PRKCB: variants seen among roughly 807,000 people sequenced by gnomAD.
PRKCB encodes the protein protein kinase C beta, also known as protein kinase C beta type.
A neutral mutation model predicts 81.5 loss-of-function variants in PRKCB; 13 were observed. The observed-to-expected ratio is 0.16, with a 90% CI of 0.10 to 0.25. The LOEUF (loss-of-function observed/expected upper bound fraction) is 0.25, where lower values mean the gene tolerates loss of function less well. Ranked by LOEUF, PRKCB falls within the 10% of genes least tolerant of loss-of-function variation. The pLI, the probability that PRKCB is intolerant of heterozygous loss-of-function variation, is 1.00. For synonymous variants in PRKCB, 335 were observed against 321.4 expected, an observed-to-expected ratio of 1.04 and a Z score of -0.45; for missense variants, 509 against 875.7, an observed-to-expected ratio of 0.58 and a Z score of 5.29.
At chr16:24,035,971 A>G (rs1464900587) in intron 5 of PRKCB, among the ~76,000 whole-genome samples, 2 of 152,204 alleles carry the variant, frequency 1.3e-5, no homozygotes, top group African/African-American at 4.8e-5. Flanking sequence ...CCAGCAGGAA[A>G]AATGGAGTCT....
intron 2 of PRKCB, among the ~76,000 whole-genome samples, chr16:23,974,255 T>A (rs1005244943): frequency 2.0e-5 from 3 of 152,096 alleles, no homozygotes; most frequent in Non-Finnish European, 4.4e-5. Context: ...TCTGTTCATC[T>A]GAATGGTGGT....
At chr16:24,185,244 A>G (rs751949643) in intron 14 of PRKCB, 53 bp downstream of exon 14, 8 of 1,528,228 alleles carry the variant, frequency 5.2e-6, no homozygotes, top group Non-Finnish European at 7.2e-6. Context: ...CCCCATCCAC[A>G]TGGTTTCTTT....
At chr16:24,055,799 G>A (rs565464891) in intron 5 of PRKCB, among the ~76,000 whole-genome samples, 4 of 152,324 alleles carry the variant, frequency 2.6e-5, no homozygotes, top group South Asian at 4.1e-4. Context: ...TTGTAGGGGT[G>A]TGTGGTGTGC....
At chr16:24,009,779 C>T (rs558728128) in intron 3 of PRKCB, among the ~76,000 whole-genome samples, 225 of 151,938 alleles carry the variant, frequency 1.5e-3, no homozygotes, top group African/African-American at 5.3e-3. Context: ...TTTGGGAGGC[C>T]GAGGTAGGGG....
chr16:24,204,460 A>C (rs748281191), intron 16 of PRKCB, among the ~76,000 whole-genome samples: 2 of 152,200 alleles, frequency 1.3e-5, no homozygotes, highest in Non-Finnish European at 2.9e-5. Flanking sequence ...AAGTAGAGAT[A>C]ATCCTTTTCC....
intron 5 of PRKCB, among the ~76,000 whole-genome samples, chr16:24,071,712 TCTC>T (rs1966110356): frequency 6.6e-6 from 1 of 151,922 alleles, no homozygotes; most frequent in Admixed American, 6.6e-5. Context: ...ATCCCATCTG[TCTC>T]CTCCTATGGA....
At chr16:24,135,232 A>G (rs999564572) in intron 9 of PRKCB, among the ~76,000 whole-genome samples, 1 of 150,806 alleles carries the variant, frequency 6.6e-6, no homozygotes, top group Non-Finnish European at 1.5e-5. Flanking sequence ...TTCTTCCCAA[A>G]GGCCAGGGTG....
intron 3 of PRKCB, among the ~76,000 whole-genome samples, chr16:24,000,892 C>G (rs1019364290): frequency 1.2e-4 from 19 of 152,174 alleles, no homozygotes; most frequent in Non-Finnish European, 2.4e-4. Context: ...ATGGTCTCTG[C>G]TATGTATTGC....
intron 9 of PRKCB, among the ~76,000 whole-genome samples, chr16:24,142,176 G>A (rs1966911109): frequency 6.6e-6 from 1 of 152,140 alleles, no homozygotes; most frequent in Admixed American, 6.5e-5. Context: ...CAAACCATAT[G>A]ATAGAGTCAG....
At chr16:24,077,248 C>G (rs1269946430) in intron 5 of PRKCB, among the ~76,000 whole-genome samples, 2 of 151,982 alleles carry the variant, frequency 1.3e-5, no homozygotes, top group Non-Finnish European at 2.9e-5. Context: ...GGGGCAGATT[C>G]AGTAGATGCC....
At chr16:24,138,935 C>T (rs1239709709) in intron 9 of PRKCB, among the ~76,000 whole-genome samples, 1 of 149,336 alleles carries the variant, frequency 6.7e-6, no homozygotes, top group African/African-American at 2.5e-5. Flanking sequence ...TCACTGCAAC[C>T]TCACCTCCCA....
intron 16 of PRKCB, among the ~76,000 whole-genome samples, chr16:24,194,720 A>G (rs970464363): frequency 6.6e-6 from 1 of 152,232 alleles, no homozygotes; most frequent in African/African-American, 2.4e-5. Context: ...TATCAACGAG[A>G]TCCCTCAACT....
At chr16:23,949,747 C>T (rs1964252036) in intron 2 of PRKCB, among the ~76,000 whole-genome samples, 1 of 152,278 alleles carries the variant, frequency 6.6e-6, no homozygotes, top group South Asian at 2.1e-4. Context: ...CAGGCAGGTA[C>T]CAGTTGTTGA....
chr16:23,883,564 T>C (rs1963155418), intron 2 of PRKCB, among the ~76,000 whole-genome samples: 1 of 152,152 alleles, frequency 6.6e-6, no homozygotes. Flanking sequence ...AAGTAGAGAA[T>C]GGATTGTTGG....
intron 16 of PRKCB, among the ~76,000 whole-genome samples, chr16:24,193,480 T>TAAATAAAA (rs1567408578): frequency 6.7e-6 from 1 of 149,300 alleles, no homozygotes; most frequent in African/African-American, 2.5e-5. Flanking sequence ...AATAAATAAA[T>TAAATAAAA]AAATAAATAA....
At chr16:23,994,895 G>T (rs1398429160) in intron 3 of PRKCB, among the ~76,000 whole-genome samples, 1 of 152,142 alleles carries the variant, frequency 6.6e-6, no homozygotes. Flanking sequence ...AGTTTGCAGG[G>T]ATCTTGATCA....
chr16:24,173,439 T>C (rs532995052), intron 11 of PRKCB, among the ~76,000 whole-genome samples: 1 of 152,292 alleles, frequency 6.6e-6, no homozygotes, highest in African/African-American at 2.4e-5. Context: ...TGGTGGCTCC[T>C]ACCCAGTTCA....
intron 7 of PRKCB, among the ~76,000 whole-genome samples, chr16:24,112,238 A>G (rs1966684285): frequency 6.6e-6 from 1 of 152,258 alleles, no homozygotes; most frequent in Admixed American, 6.5e-5. Context: ...AAATGCTGGA[A>G]GAGCATGACA....
chr16:23,918,228 T>C (rs1242626857), intron 2 of PRKCB, among the ~76,000 whole-genome samples: 4 of 151,760 alleles, frequency 2.6e-5, no homozygotes, highest in Non-Finnish European at 1.5e-5. Flanking sequence ...GGAGAAGCAG[T>C]GGGGGTTTCT....
Sources: allele counts gnomAD v4.1 joint callset (sites outside exome capture counted in the v4.1 genomes callset), GRCh38; gene constraint gnomAD v4.1.1; transcripts MANE v1.5; gene names NCBI Gene and HGNC (gene_info 2026-07-23, HGNC 2026-07-21).